The following FAM168B variants were observed in gnomAD, a reference collection of about 807,000 sequenced individuals.
FAM168B encodes family with sequence similarity 168 member B, also known as myelin-associated neurite-outgrowth inhibitor.
Under a neutral mutation model 21.8 loss-of-function variants are expected in FAM168B, and 19 were observed. That is an observed-to-expected ratio of 0.87 (90% CI 0.61 to 1.28). The LOEUF is 1.28. FAM168B is among the 50% of genes most tolerant of loss of function. The pLI, the probability that FAM168B is intolerant of heterozygous loss-of-function variation, is 0.00. For missense variants in FAM168B, 233 were observed against 263.1 expected (o/e 0.89, Z 0.79); for synonymous variants, 126 against 104.8 (o/e 1.20, Z -1.24).
At chr2:131,085,111 C>T (rs1217675565) in intron 1 of FAM168B, among the ~76,000 whole-genome samples, 1 of 152,094 alleles carries the variant, frequency 6.6e-6, no homozygotes, top group African/African-American at 2.4e-5. Context: ...TATATGGGAA[C>T]TCTCTGTACC....
intron 1 of FAM168B, among the ~76,000 whole-genome samples, chr2:131,092,092 C>T (rs950626761): frequency 1.3e-5 from 2 of 150,560 alleles, no homozygotes; most frequent in South Asian, 2.1e-4. Flanking sequence ...TGCAGTGAGC[C>T]GAGATGGCGC....
chr2:131,089,456 G>A (rs1312502839), intron 1 of FAM168B, among the ~76,000 whole-genome samples: 4 of 151,694 alleles, frequency 2.6e-5, no homozygotes, highest in African/African-American at 9.7e-5. Flanking sequence ...GACCTGGCCA[G>A]GCGCAGTGGC....
intron 1 of FAM168B, among the ~76,000 whole-genome samples, chr2:131,087,831 G>A (rs970469744): frequency 6.6e-6 from 1 of 152,208 alleles, no homozygotes; most frequent in Non-Finnish European, 1.5e-5. Flanking sequence ...AGTTGGACAT[G>A]AACATTTGTA....
intron 2 of FAM168B, among the ~76,000 whole-genome samples, chr2:131,075,308 C>T (rs937913332): frequency 6.6e-6 from 1 of 151,752 alleles, no homozygotes; most frequent in Admixed American, 6.6e-5. Context: ...CTACCACTGA[C>T]CTAGATCATA....
rs571938216 is a variant in FAM168B at position 131,048,351 on chromosome 2, G to A, written c.*4114C>T. On this transcript the variant is annotated 3_prime_UTR_variant, in exon 7 of 7. Coordinates refer to ENST00000389915, the MANE Select transcript of FAM168B (RefSeq NM_001009993.4). ...GGGACTCATGGGCACAGCCTGTGGT[G>A]AGGAGGAGACACCTGTCATGCCAGT... The A allele has an allele frequency of 3.0e-3, 3,913 of 1,299,720 alleles. 6 individuals carry two copies. Among genetic ancestry groups the A allele is most frequent in the Non-Finnish European group, 3.6e-3 (3,590 of 985,556 alleles). The allele number at this position is 1,299,720 out of a possible 1,614,324, so 80.5% of individuals were successfully genotyped here.
chr2:131,079,234 T>C (rs919981961), intron 2 of FAM168B, among the ~76,000 whole-genome samples: 12 of 152,078 alleles, frequency 7.9e-5, no homozygotes, highest in African/African-American at 2.4e-4. Context: ...TCCCAGCACT[T>C]TGGGAGGCCA....
intron 1 of FAM168B, among the ~76,000 whole-genome samples, 152 bp downstream of exon 1, chr2:131,093,062 C>A (rs1180954589): frequency 6.6e-6 from 1 of 151,426 alleles, no homozygotes; most frequent in African/African-American, 2.4e-5. Flanking sequence ...CCCCGCCCGG[C>A]CTTGCCCGCG....
intron 2 of FAM168B, among the ~76,000 whole-genome samples, chr2:131,078,629 T>A (rs80342070): frequency 0.018 from 2,763 of 152,220 alleles, 47 homozygotes; most frequent in Admixed American, 0.027. Flanking sequence ...AGCAAAGATA[T>A]TTTCAAAGTA....
chr2:131,089,577 T>A (rs1438729998), intron 1 of FAM168B, among the ~76,000 whole-genome samples: 3 of 140,898 alleles, frequency 2.1e-5, no homozygotes, highest in Admixed American at 7.3e-5. Flanking sequence ...TAAAAAAAAA[T>A]ACAAAAAGAA....
chr2:131,052,028 G>A lies in FAM168B; in HGVS notation c.*437C>T, dbSNP rs1365372563. 1.0e-6 allele frequency: 1 copy of A among 985,514 alleles called. No individual in the cohort carries two copies. Among genetic ancestry groups the A allele is most frequent in the Non-Finnish European group, 1.2e-6 (1 of 829,900 alleles). 61.0% of individuals were successfully genotyped at this position (985,514 alleles called of 1,614,324 possible). On this transcript the variant is annotated 3_prime_UTR_variant, in exon 7 of 7. Coordinates refer to ENST00000389915, the MANE Select transcript of FAM168B (RefSeq NM_001009993.4). ...GAAATTCACTTTAACACTTATAACT[G>A]TAAGACTTTGCATACATTACAACAG...
intron 3 of FAM168B, among the ~76,000 whole-genome samples, chr2:131,057,996 A>G (rs1328577086): frequency 1.3e-5 from 2 of 152,022 alleles, no homozygotes; most frequent in Non-Finnish European, 2.9e-5. Context: ...ACATCCAGCT[A>G]ATTTTTGTAA....
rs1414000278 is a variant in FAM168B at position 131,048,619 on chromosome 2, C to T, written c.*3846G>A. ...TTCTGTGTTACTTGGTCAGTTGAGCCCCTGGAGCCCTCAGGACCTACTGAT... is the reference window on the plus strand; with the variant it reads ...TTCTGTGTTACTTGGTCAGTTGAGCTCCTGGAGCCCTCAGGACCTACTGAT... On this transcript the variant is annotated 3_prime_UTR_variant, in exon 7 of 7. Transcript: ENST00000389915. 4 of 1,079,782 alleles carry T rather than the reference C, an allele frequency of 3.7e-6. No homozygotes were observed. Among genetic ancestry groups the T allele is most frequent in the Middle Eastern group, 4.3e-4 (1 of 2,300 alleles). The allele number at this position is 1,079,782 out of a possible 1,614,324, so 66.9% of individuals were successfully genotyped here. A position where few individuals can be genotyped will look rare whatever the true frequency, so the allele number is the denominator to read the frequency against.
At chr2:131,081,990 C>T (rs565321132) in intron 2 of FAM168B, among the ~76,000 whole-genome samples, 23 of 152,076 alleles carry the variant, frequency 1.5e-4, no homozygotes, top group Non-Finnish European at 3.1e-4. Context: ...GCAAAGTCAC[C>T]GAAGGGAACA....
chr2:131,062,593 G>A (rs564738566), intron 3 of FAM168B, among the ~76,000 whole-genome samples: 5 of 152,242 alleles, frequency 3.3e-5, no homozygotes, highest in East Asian at 1.9e-4. Flanking sequence ...GATTACAAGC[G>A]TGCACCACCA....
At chr2:131,064,870 G>GA (rs1692478323) in intron 3 of FAM168B, among the ~76,000 whole-genome samples, 1 of 152,188 alleles carries the variant, frequency 6.6e-6, no homozygotes. Context: ...AAATTGCTAA[G>GA]AAGAGATCTC....
At chr2:131,054,652 T>C (rs1573748132) in intron 5 of FAM168B, among the ~76,000 whole-genome samples, 1 of 152,194 alleles carries the variant, frequency 6.6e-6, no homozygotes, top group East Asian at 1.9e-4. Flanking sequence ...TGAATCCACA[T>C]GGGTGGTCAT....
chr2:131,052,831 C>A, intron 6 of FAM168B, 60 bp downstream of exon 6: 1 of 1,531,368 alleles, frequency 6.5e-7, no homozygotes, highest in Admixed American at 2.1e-5. Context: ...GTAAATTTGC[C>A]ACTGTCCCAT....
chr2:131,078,748 GGAGGCT>G (rs1693289793), intron 2 of FAM168B, among the ~76,000 whole-genome samples: 1 of 152,002 alleles, frequency 6.6e-6, no homozygotes, highest in Admixed American at 6.6e-5. Context: ...CAGTACTTTG[GGAGGCT>G]GAGGTGGGAT....
In FAM168B at chr2:131,071,837, T is replaced by C; in HGVS notation, c.154+18A>G. ...CTCCCAGCTGTACGTACAAAGCATT[T>C]TACCACCCAGCACATACCTGTTTGG... is the stretch of plus-strand genomic sequence containing the variant. On this transcript the variant is annotated intron_variant, in intron 3 of 6. Transcript: ENST00000389915. 6.2e-7 allele frequency: 1 copy of C among 1,611,924 alleles called. No homozygotes were observed. The highest frequency in any genetic ancestry group is 8.5e-7 in the Non-Finnish European group (1 of 1,178,062).
Sources: allele counts gnomAD v4.1 joint callset (sites outside exome capture counted in the v4.1 genomes callset), GRCh38; gene constraint gnomAD v4.1.1; transcripts MANE v1.5; gene names NCBI Gene and HGNC (gene_info 2026-07-23, HGNC 2026-07-21).